Variants in TMEM132C observed in about 807,000 individuals in gnomAD.
TMEM132C encodes protein phosphatase 1, regulatory subunit 152.
A neutral mutation model predicts 61.4 loss-of-function variants in TMEM132C; 29 were observed. The ratio of observed to expected loss-of-function variants is 0.47; its 90% CI spans 0.35 to 0.64. TMEM132C has a LOEUF of 0.64. TMEM132C is among the 30% of genes least tolerant of loss of function. The pLI is 0.00. For synonymous variants in TMEM132C, 656 were observed against 633.1 expected (o/e 1.04, Z -0.54); for missense variants, 1,408 against 1,476.9 (o/e 0.95, Z 0.76).
intron 2 of TMEM132C, among the ~76,000 whole-genome samples, chr12:128,527,735 T>TG (rs1873138193): frequency 9.7e-6 from 1 of 103,110 alleles, no homozygotes; most frequent in Non-Finnish European, 2.0e-5. Context: ...GTGTGTGTGT[T>TG]ACATCCATAC....
At chr12:128,555,674 T>C (rs1259104326) in intron 3 of TMEM132C, among the ~76,000 whole-genome samples, 2 of 152,152 alleles carry the variant, frequency 1.3e-5, no homozygotes, top group African/African-American at 4.8e-5. Flanking sequence ...CGTTGACTGT[T>C]AAAGCCCAAG....
At chr12:128,469,679 C>T (rs1870873841) in intron 2 of TMEM132C, among the ~76,000 whole-genome samples, 1 of 141,756 alleles carries the variant, frequency 7.1e-6, no homozygotes, top group African/African-American at 2.8e-5. Context: ...TATATATGTG[C>T]ATTTATGTGT....
intron 4 of TMEM132C, among the ~76,000 whole-genome samples, chr12:128,617,342 C>T (rs777740635): frequency 2.8e-4 from 42 of 152,202 alleles, no homozygotes; most frequent in African/African-American, 9.6e-4. Flanking sequence ...GCATCATGTC[C>T]AGCAAGAAAT....
chr12:128,703,511 G>A (rs1214731167), intron 8 of TMEM132C, among the ~76,000 whole-genome samples: 2 of 152,220 alleles, frequency 1.3e-5, no homozygotes, highest in African/African-American at 2.4e-5. Flanking sequence ...ATTCCACGGT[G>A]TGTGTGTACC....
intron 2 of TMEM132C, among the ~76,000 whole-genome samples, chr12:128,525,872 G>T (rs1873069611): frequency 6.6e-6 from 1 of 152,154 alleles, no homozygotes; most frequent in Non-Finnish European, 1.5e-5. Flanking sequence ...GCCTGAATTT[G>T]TCTTCATACC....
At chr12:128,309,863 G>A (rs944146194) in intron 1 of TMEM132C, among the ~76,000 whole-genome samples, 3 of 151,946 alleles carry the variant, frequency 2.0e-5, no homozygotes, top group African/African-American at 7.2e-5. Context: ...AGCCTCCTGA[G>A]TAGCTGGGAT....
chr12:128,307,299 TGA>T (rs2135923935), intron 1 of TMEM132C, among the ~76,000 whole-genome samples: 2 of 152,258 alleles, frequency 1.3e-5, no homozygotes, highest in Non-Finnish European at 2.9e-5. Flanking sequence ...GAAAGGATGT[TGA>T]GTTATCAAAA....
chr12:128,616,255 C>T lies in TMEM132C; in HGVS notation c.1225C>T (p.Arg409Trp), dbSNP rs368942654. The T allele has an allele frequency of 1.0e-4, 159 of 1,551,650 alleles. 2 individuals are homozygous for T. Among genetic ancestry groups the T allele is most frequent in the South Asian group, 5.2e-4 (44 of 84,066 alleles). The change falls in exon 4 of 9, where the codon CGG (arginine) becomes TGG (tryptophan). Residue 409 changes from arginine to tryptophan, a missense_variant. Physicochemically the swap from Arg to Trp is moderately radical, Grantham distance 101. Transcript: ENST00000435159. The stretch of plus-strand genomic sequence containing the variant: ...CATCACGTGGCAGGTGGAGTACCCA[C>T]GGAAGGGGACCACAGACATCGCCGT... ...QPITWQVEYP[R>W]KGTTDIAVSE... is the part of the protein sequence containing the mutation.
intron 5 of TMEM132C, among the ~76,000 whole-genome samples, chr12:128,676,240 G>A (rs1954585572): frequency 6.6e-6 from 1 of 152,060 alleles, no homozygotes; most frequent in African/African-American, 2.4e-5. Context: ...ATACTCTTGA[G>A]AAATACAGTC....
intron 1 of TMEM132C, chr12:128,294,324 A>G (rs1371600533): frequency 2.0e-5 from 3 of 152,368 alleles, no homozygotes; most frequent in African/African-American, 4.8e-5. Flanking sequence ...CCAAATCTGC[A>G]GAAACCAGCC....
At chr12:128,414,618 GC>G (rs1488807133) in intron 1 of TMEM132C, 113 bp from the exon 2 acceptor site, 3 of 1,167,620 alleles carry the variant, frequency 2.6e-6, no homozygotes, top group Non-Finnish European at 3.5e-6. Flanking sequence ...AGCCAAGTGG[GC>G]TTCAGAATTT....
intron 8 of TMEM132C, among the ~76,000 whole-genome samples, chr12:128,697,779 T>G (rs957892334): frequency 9.9e-5 from 15 of 152,214 alleles, no homozygotes; most frequent in Non-Finnish European, 1.8e-4. Context: ...ACAGCCCACA[T>G]GGCCCCACAC....
chr12:128,282,466 G>A (rs1340813473), intron 1 of TMEM132C, among the ~76,000 whole-genome samples: 1 of 152,192 alleles, frequency 6.6e-6, no homozygotes, highest in Admixed American at 6.5e-5. Context: ...AAAAGGAAAA[G>A]TGTCCCTTAT....
intron 4 of TMEM132C, among the ~76,000 whole-genome samples, chr12:128,626,127 C>CT (rs1555237535): frequency 3.2e-3 from 447 of 139,072 alleles, no homozygotes; most frequent in African/African-American, 6.3e-3. Context: ...TTCTTTCTTT[C>CT]TTTTTTTTTT....
chr12:128,544,830 A>C (rs1159910536), intron 3 of TMEM132C, among the ~76,000 whole-genome samples: 1 of 152,266 alleles, frequency 6.6e-6, no homozygotes, highest in African/African-American at 2.4e-5. Flanking sequence ...CTTGTATTGG[A>C]AACATTTTCT....
intron 2 of TMEM132C, among the ~76,000 whole-genome samples, chr12:128,422,967 C>T (rs1300958982): frequency 6.6e-6 from 1 of 152,110 alleles, no homozygotes; most frequent in African/African-American, 2.4e-5. Context: ...GTGATGGTCC[C>T]TCAAACATAA....
intron 2 of TMEM132C, among the ~76,000 whole-genome samples, chr12:128,486,901 AC>A (rs879473641): frequency 0.081 from 12,240 of 151,930 alleles, 563 homozygotes; most frequent in Middle Eastern, 0.11. Flanking sequence ...ACACACACAC[AC>A]ACACACACAC....
chr12:128,594,700 G>T (rs1417548655), intron 3 of TMEM132C, among the ~76,000 whole-genome samples: 1 of 152,184 alleles, frequency 6.6e-6, no homozygotes, highest in South Asian at 2.1e-4. Context: ...TCCATTTCCA[G>T]CGTGAACACA....
At chr12:128,355,954 A>G (rs570757637) in intron 1 of TMEM132C, among the ~76,000 whole-genome samples, 2 of 151,912 alleles carry the variant, frequency 1.3e-5, no homozygotes, top group Non-Finnish European at 2.9e-5. Flanking sequence ...GTATTTTACT[A>G]TTTATCTTTC....
Sources: allele counts gnomAD v4.1 joint callset (sites outside exome capture counted in the v4.1 genomes callset), GRCh38; gene constraint gnomAD v4.1.1; transcripts MANE v1.5; gene names NCBI Gene and HGNC (gene_info 2026-07-23, HGNC 2026-07-21).